Variants in FGD1 observed in about 807,000 individuals in gnomAD.
The protein encoded by FGD1 is FYVE, RhoGEF and PH domain containing 1, also known as FYVE, RhoGEF and PH domain-containing protein 1.
Under a neutral mutation model 65.0 loss-of-function variants are expected in FGD1, and 12 were observed. That is an observed-to-expected ratio of 0.18 (90% CI 0.12 to 0.30). FGD1 has a LOEUF of 0.30. FGD1 is among the 10% of genes least tolerant of loss of function. FGD1 has a pLI of 1.00. For synonymous variants in FGD1, 333 were observed against 343.9 expected (o/e 0.97, Z 0.35); for missense variants, 542 against 837.6 (o/e 0.65, Z 4.36).
rs1240397127 is a variant in FGD1 at position 54,467,919 on chromosome X, C to T, written c.1205G>A (p.Arg402Gln). 3.4e-6 allele frequency: 4 copies of T among 1,178,192 alleles called. No individual in the cohort carries two copies. The highest frequency in any genetic ancestry group is 4.6e-6 in the Non-Finnish European group (4 of 878,135). The change falls in exon 6 of 18, where the codon CGG (arginine) becomes CAG (glutamine). Residue 402 changes from arginine to glutamine, a missense_variant. Arg to Gln is a conservative substitution (Grantham distance 43, BLOSUM62 1). This residue lies in a region of FGD1 where 22 missense variants were observed against 46.4 expected (regional missense o/e 0.47). Transcript: ENST00000375135. ...LHLLDQVFCA[R>Q]LLEEARNRSS... Reference sequence around the variant, plus strand: ...GCGGTTCCGAGCTTCTTCCAGCAGCCGGGCACAGAACACCTGTGGGGCAGG... The same window carrying T: ...GCGGTTCCGAGCTTCTTCCAGCAGCTGGGCACAGAACACCTGTGGGGCAGG...
At chrX:54,478,104 T>G (rs375459177) in intron 1 of FGD1, among the ~76,000 whole-genome samples, 3 of 110,569 alleles carry the variant, frequency 2.7e-5, no homozygotes, top group East Asian at 5.7e-4. Flanking sequence ...GGCGACAGAG[T>G]GATACCCCGT....
chrX:54,447,644 G>A (rs866218366), intron 16 of FGD1, among the ~76,000 whole-genome samples, 190 bp from the exon 17 acceptor site: 1 of 112,808 alleles, frequency 8.9e-6, no homozygotes, highest in Non-Finnish European at 1.9e-5. Context: ...AGCTAGGTTC[G>A]TCTGCCTCAT....
chrX:54,478,141 T>A (rs182534662), intron 1 of FGD1, among the ~76,000 whole-genome samples: 27 of 111,366 alleles, frequency 2.4e-4, no homozygotes, highest in Non-Finnish European at 4.5e-4. Flanking sequence ...TTATTGTATA[T>A]CTGAAATTCA....
intron 1 of FGD1, among the ~76,000 whole-genome samples, chrX:54,475,805 C>T (rs1023009120): frequency 8.9e-6 from 1 of 112,378 alleles, no homozygotes; most frequent in Non-Finnish European, 1.9e-5. Flanking sequence ...CGGTGGCTCA[C>T]GCCTTTATTC....
At chrX:54,477,946 C>T (rs1038186859) in intron 1 of FGD1, among the ~76,000 whole-genome samples, 1 of 108,173 alleles carries the variant, frequency 9.2e-6, no homozygotes, top group Admixed American at 1.0e-4. Context: ...GGCGAAACAC[C>T]GTCTCTACTA....
rs943869753 is a variant in FGD1, at chrX:54,464,627, G to A, written c.1636+824C>T. Among the ~76,000 whole-genome samples, 18 of 111,270 alleles carry A rather than the reference G, an allele frequency of 1.6e-4. No homozygotes were observed. The Admixed American group carries it at 1.6e-3, about 10-fold the overall frequency. On this transcript the variant is annotated intron_variant, in intron 8 of 17. Transcript: ENST00000375135. ...AATGAATGAATGAAAATCTGGGGAA[G>A]AGAAAGTGGGGTAGGCGGGGGGAGC...
chrX:54,483,324 G>C (rs1473779722), intron 1 of FGD1, among the ~76,000 whole-genome samples: 1 of 112,258 alleles, frequency 8.9e-6, no homozygotes, highest in Non-Finnish European at 1.9e-5. Context: ...CAGCCTAGGG[G>C]AGCAGGGAAG....
intron 1 of FGD1, among the ~76,000 whole-genome samples, chrX:54,484,435 C>A (rs1985722962): frequency 9.0e-6 from 1 of 111,696 alleles, no homozygotes. Flanking sequence ...TCAACAGGTA[C>A]ATGTTAAATA....
At position 54,495,408 on chromosome X, in the gene FGD1, C is replaced by T; in HGVS notation, c.25G>A (p.Gly9Ser). The change falls in exon 1 of 18, where the codon GGC (glycine) becomes AGC (serine). Residue 9 changes from glycine (G) to serine (S), a missense_variant. By Grantham distance (56) the Gly-to-Ser change is moderately conservative (BLOSUM62 0). This residue lies in a region of FGD1 where 297 missense variants were observed against 326.8 expected (regional missense o/e 0.91). Coordinates refer to ENST00000375135, the MANE Select transcript of FGD1 (RefSeq NM_004463.3). Reference protein sequence around the residue: MHGHRAPGGAGPSEPEHPA... With the variant: MHGHRAPGSAGPSEPEHPA... ...TGTTCGGGCTCCGAAGGCCCGGCGC[C>T]CCCCGGGGCTCGGTGGCCATGCATG... is the stretch of plus-strand genomic sequence containing the variant. The T allele has an allele frequency of 9.1e-7, 1 of 1,098,136 alleles. No homozygotes were observed. The highest frequency in any genetic ancestry group is 1.2e-6 in the Non-Finnish European group (1 of 848,003). The allele number at this position is 1,098,136 out of a possible 1,213,427, so 90.5% of individuals were successfully genotyped here.
intron 6 of FGD1, 113 bp from the exon 7 acceptor site, chrX:54,465,965 C>T: frequency 1.2e-6 from 1 of 867,617 alleles, no homozygotes; most frequent in Non-Finnish European, 1.7e-6. Context: ...TAGAAACCTA[C>T]TTCTCAGCTA....
intron 8 of FGD1, among the ~76,000 whole-genome samples, chrX:54,464,258 C>G (rs1041355580): frequency 1.8e-5 from 2 of 108,407 alleles, no homozygotes; most frequent in East Asian, 5.9e-4. Flanking sequence ...CTCAGCCTCC[C>G]AAGTAGCTGG....
At chrX:54,466,468 G>A (rs1922760899) in intron 6 of FGD1, among the ~76,000 whole-genome samples, 1 of 111,660 alleles carries the variant, frequency 9.0e-6, no homozygotes, top group African/African-American at 3.3e-5. Context: ...GGAGAGACAT[G>A]GTCTGACTTG....
chrX:54,453,697 G>A (rs944793867), intron 12 of FGD1, among the ~76,000 whole-genome samples: 10 of 111,978 alleles, frequency 8.9e-5, no homozygotes, highest in Admixed American at 1.9e-4. Flanking sequence ...GAGCCACTGC[G>A]CCCTGCATGC....
Position 54,471,462 on chromosome X carries a change from C to G in FGD1, c.333G>C (p.Leu111=). 3.3e-6 allele frequency: 4 copies of G among 1,211,586 alleles called. No individual in the cohort carries two copies. Among genetic ancestry groups the G allele is most frequent in the Non-Finnish European group, 4.5e-6 (4 of 895,475 alleles). ...RPGLHQGNRI[L]VKSLSLDPGQ... is the part of the protein sequence containing the mutation. ...CAGGGTCAAGGGACAAACTTTTAAC[C>G]AGGATCCGGTTTCCCTGGTGCAGCC... Residue 111 remains leucine, a synonymous_variant, in exon 2 of 18, where the codon CTG becomes CTC. Coordinates refer to ENST00000375135, the MANE Select transcript of FGD1 (RefSeq NM_004463.3).
chrX:54,483,319 TAGGGGAGCAGGGAAGGGGCTGGA>T (rs1228750459), intron 1 of FGD1, among the ~76,000 whole-genome samples: 1 of 111,505 alleles, frequency 9.0e-6, no homozygotes, highest in Non-Finnish European at 1.9e-5. Flanking sequence ...TCCCCCAGCC[TAGGGGAGCAGGGAAGGGGCTGGA>T]GGGGGAGCAG....
intron 1 of FGD1, among the ~76,000 whole-genome samples, chrX:54,481,114 A>G (rs184244621): frequency 1.8e-5 from 2 of 111,099 alleles, no homozygotes; most frequent in East Asian, 5.7e-4. Flanking sequence ...GCCTTGCCCT[A>G]TCTCACATGC....
rs752282314 is a variant in FGD1, at chrX:54,495,348, C to G, written c.85G>C (p.Ala29Pro). ...GCTCCAGGGTCCGAGTCGGCACAGGCCGGCGGAGCGGCGCCCGGCGGGTTC... is the reference window on the plus strand; with the variant it reads ...GCTCCAGGGTCCGAGTCGGCACAGGGCGGCGGAGCGGCGCCCGGCGGGTTC... Reference protein sequence around the residue: ...ATNPPGAAPPACADSDPGASE... With the variant: ...ATNPPGAAPPPCADSDPGASE... The change falls in exon 1 of 18, where the codon GCC becomes CCC. Residue 29 changes from alanine to proline, a missense_variant. By Grantham distance (27) the Ala-to-Pro change is conservative. Around this residue, in one of 6 missense-constraint regions of FGD1, gnomAD observed 297 missense variants for 326.8 expected, o/e 0.91. Transcript: ENST00000375135. The G allele has an allele frequency of 2.0e-4, 234 of 1,154,708 alleles. No individual in the cohort carries two copies. The highest frequency in any genetic ancestry group is 2.5e-4 in the Non-Finnish European group (217 of 870,410).
intron 1 of FGD1, among the ~76,000 whole-genome samples, chrX:54,477,773 A>G (rs923273889): frequency 1.8e-5 from 2 of 111,769 alleles, no homozygotes; most frequent in Non-Finnish European, 3.8e-5. Flanking sequence ...ATGTTTTAGT[A>G]TAATATGTCT....
chrX:54,493,082 C>T (rs941786933), intron 1 of FGD1, among the ~76,000 whole-genome samples: 2 of 111,099 alleles, frequency 1.8e-5, no homozygotes, highest in African/African-American at 6.6e-5. Context: ...GGAAGGCATA[C>T]TCAGAATCAT....
Sources: allele counts gnomAD v4.1 joint callset (sites outside exome capture counted in the v4.1 genomes callset), GRCh38; gene constraint gnomAD v4.1.1; regional missense constraint gnomAD v4.1.1; transcripts MANE v1.5; gene names NCBI Gene and HGNC (gene_info 2026-07-23, HGNC 2026-07-21).